QTMAN: variants seen among roughly 807,000 people sequenced by gnomAD.
The protein encoded by QTMAN is queuosine-tRNA mannosyltransferase, also known as tRNA-queuosine alpha-mannosyltransferase.
At chr2:144,167,766 G>T in the QTMAN span, among the ~76,000 whole-genome samples, 1 of 151,944 alleles carries the variant, frequency 6.6e-6, no homozygotes, top group African/African-American at 2.4e-5. Context: ...CCCAGCCTTC[G>T]GTATTTCTTC....
the QTMAN span, among the ~76,000 whole-genome samples, chr2:144,012,767 TA>T: frequency 2.0e-5 from 3 of 152,118 alleles, no homozygotes; most frequent in Non-Finnish European, 2.9e-5. Flanking sequence ...ATTTGGAAGA[TA>T]GCAGGTGAAA....
chr2:144,258,230 AAC>A, the QTMAN span, among the ~76,000 whole-genome samples: 4,920 of 151,024 alleles, frequency 0.033, 213 homozygotes, highest in African/African-American at 0.11. Flanking sequence ...GCAAAAAAAA[AAC>A]AAAAACAAAA....
the QTMAN span, among the ~76,000 whole-genome samples, chr2:144,182,232 T>C: frequency 1.3e-5 from 2 of 152,318 alleles, no homozygotes; most frequent in South Asian, 2.1e-4. Flanking sequence ...TTAGTGTAGA[T>C]ATAATAATAC....
the QTMAN span, among the ~76,000 whole-genome samples, chr2:143,989,181 C>A: frequency 6.6e-6 from 1 of 151,660 alleles, no homozygotes; most frequent in Admixed American, 6.6e-5. Flanking sequence ...TATCTAAATC[C>A]ACATACTTAA....
At chr2:144,064,885 GAAA>G in the QTMAN span, among the ~76,000 whole-genome samples, 1 of 152,032 alleles carries the variant, frequency 6.6e-6, no homozygotes, top group South Asian at 2.1e-4. Flanking sequence ...TTCCCTCAAG[GAAA>G]ACTGGCTCCT....
chr2:144,036,345 T>G, the QTMAN span, among the ~76,000 whole-genome samples: 18 of 152,196 alleles, frequency 1.2e-4, no homozygotes, highest in Non-Finnish European at 1.6e-4. Flanking sequence ...AGATGCCAGA[T>G]AATTTGTTTT....
chr2:144,244,693 G>C, the QTMAN span, among the ~76,000 whole-genome samples: 1 of 151,952 alleles, frequency 6.6e-6, no homozygotes, highest in African/African-American at 2.4e-5. Context: ...TAATCTTATA[G>C]TGGACCATCA....
At chr2:144,004,484 T>C in the QTMAN span, among the ~76,000 whole-genome samples, 1 of 151,970 alleles carries the variant, frequency 6.6e-6, no homozygotes, top group Admixed American at 6.6e-5. Flanking sequence ...CAAATTTACA[T>C]AAATCAGATG....
At chr2:144,148,455 G>A in the QTMAN span, among the ~76,000 whole-genome samples, 2 of 151,586 alleles carry the variant, frequency 1.3e-5, no homozygotes, top group Non-Finnish European at 2.9e-5. Flanking sequence ...GCAAATTTTG[G>A]GTAAGTTATA....
At chr2:144,316,146 C>T in the QTMAN span, among the ~76,000 whole-genome samples, 7 of 151,556 alleles carry the variant, frequency 4.6e-5, no homozygotes, top group Non-Finnish European at 8.8e-5. Flanking sequence ...GAGGCTGGGA[C>T]GAGAGGACTG....
chr2:144,021,367 G>A, the QTMAN span, among the ~76,000 whole-genome samples: 2 of 152,130 alleles, frequency 1.3e-5, no homozygotes, highest in Non-Finnish European at 2.9e-5. Flanking sequence ...TGTGAGGTAG[G>A]CTAGAGGCAT....
chr2:144,063,843 C>T, the QTMAN span, among the ~76,000 whole-genome samples: 191 of 152,244 alleles, frequency 1.3e-3, no homozygotes, highest in African/African-American at 4.5e-3. Context: ...AGCATCTAAG[C>T]TCCAAATTCT....
At chr2:144,322,533 G>C in the QTMAN span, among the ~76,000 whole-genome samples, 16 of 152,232 alleles carry the variant, frequency 1.1e-4, no homozygotes, top group African/African-American at 3.6e-4. Context: ...ATAGAAAACA[G>C]CTGGATTCTC....
chr2:144,326,629 G>A, the QTMAN span, among the ~76,000 whole-genome samples: 80 of 149,598 alleles, frequency 5.3e-4, no homozygotes, highest in Non-Finnish European at 9.5e-4. Context: ...CAGTACTAAC[G>A]ATGGCAATGA....
At chr2:144,052,100 G>C in the QTMAN span, among the ~76,000 whole-genome samples, 1 of 151,908 alleles carries the variant, frequency 6.6e-6, no homozygotes, top group East Asian at 1.9e-4. Context: ...AAACCGAACA[G>C]TGCCAGCACA....
chr2:144,137,012 A>G, the QTMAN span, among the ~76,000 whole-genome samples: 1 of 152,114 alleles, frequency 6.6e-6, no homozygotes, highest in Non-Finnish European at 1.5e-5. Flanking sequence ...GTAATCAGGG[A>G]GATTTTAAAA....
At chr2:144,116,496 G>A in the QTMAN span, among the ~76,000 whole-genome samples, 1 of 152,052 alleles carries the variant, frequency 6.6e-6, no homozygotes, top group Non-Finnish European at 1.5e-5. Flanking sequence ...CTTAAAATGT[G>A]GGGCTTATTC....
chr2:144,017,988 T>C, the QTMAN span, among the ~76,000 whole-genome samples: 1 of 152,326 alleles, frequency 6.6e-6, no homozygotes, highest in South Asian at 2.1e-4. Context: ...TATTCACGCC[T>C]AGAGATACAT....
At chr2:143,994,760 G>T in the QTMAN span, among the ~76,000 whole-genome samples, 1 of 152,160 alleles carries the variant, frequency 6.6e-6, no homozygotes, top group Non-Finnish European at 1.5e-5. Flanking sequence ...GACCTTAATA[G>T]GGCAGGAGAA....
Sources: allele counts gnomAD v4.1 joint callset (sites outside exome capture counted in the v4.1 genomes callset), GRCh38; gene constraint gnomAD v4.1.1; transcripts MANE v1.5; gene names NCBI Gene and HGNC (gene_info 2026-07-23, HGNC 2026-07-21).